The following FAM149B1 variants were observed in gnomAD, a reference collection of about 807,000 sequenced individuals.
FAM149B1 encodes the protein family with sequence similarity 149 member B1, also known as primary cilium assembly protein FAM149B1.
Under a neutral mutation model 75.3 loss-of-function variants are expected in FAM149B1, and 56 were observed. That is an observed-to-expected ratio of 0.74 (90% confidence interval 0.60 to 0.93). The LOEUF (loss-of-function observed/expected upper bound fraction) is 0.93. FAM149B1 is among the 40% of genes least tolerant of loss of function. FAM149B1 has a pLI of 0.00. For synonymous variants in FAM149B1, 259 were observed against 256.1 expected (o/e 1.01, Z -0.11); for missense variants, 639 against 708.4 (o/e 0.90, Z 1.11).
chr10:73,199,407 C>T (rs1253921036), intron 5 of FAM149B1, among the ~76,000 whole-genome samples: 1 of 151,946 alleles, frequency 6.6e-6, no homozygotes, highest in Non-Finnish European at 1.5e-5. Context: ...TTAGTAGAGA[C>T]GGGGTTTCAC....
intron 11 of FAM149B1, 78 bp downstream of exon 11, chr10:73,235,018 T>A: frequency 4.0e-6 from 6 of 1,505,942 alleles, no homozygotes; most frequent in Non-Finnish European, 4.5e-6. Context: ...ATCTGTGCCC[T>A]GATCTTGATT....
intron 5 of FAM149B1, among the ~76,000 whole-genome samples, chr10:73,195,523 A>G (rs928891048): frequency 6.6e-6 from 1 of 152,226 alleles, no homozygotes; most frequent in Non-Finnish European, 1.5e-5. Flanking sequence ...TTATTAGGAT[A>G]TATCGACCTA....
chr10:73,172,984 T>C (rs1843781357), intron 1 of FAM149B1, among the ~76,000 whole-genome samples: 2 of 151,144 alleles, frequency 1.3e-5, no homozygotes, highest in African/African-American at 4.9e-5. Context: ...CCAAGTGTGG[T>C]GGTGAGTACC....
chr10:73,244,041 G>A lies in FAM149B1; in HGVS notation c.*3022G>A, dbSNP rs1447706318. The A allele has an allele frequency of 7.3e-6, 6 of 819,546 alleles. No individual in the cohort carries two copies. Among genetic ancestry groups the A allele is most frequent in the Non-Finnish European group, 9.7e-6 (5 of 513,124 alleles). The allele number at this position is 819,546 out of a possible 1,614,324, so 50.8% of individuals were successfully genotyped here. The stretch of plus-strand genomic sequence containing the variant: ...TTTCAATTTTATGAATATATGAATA[G>A]ACAAAATGAATCGAATTACATAACT... On this transcript the variant is annotated 3_prime_UTR_variant, in exon 14 of 14. Coordinates refer to ENST00000242505, the MANE Select transcript of FAM149B1 (RefSeq NM_173348.2).
At chr10:73,197,181 T>C (rs976350833) in intron 5 of FAM149B1, among the ~76,000 whole-genome samples, 1 of 146,420 alleles carries the variant, frequency 6.8e-6, no homozygotes, top group African/African-American at 2.7e-5. Context: ...TTTTTGTATT[T>C]TCAGCAGAGA....
Position 73,242,167 on chromosome 10 carries a change from T to C in FAM149B1, c.*1148T>C, listed in dbSNP as rs1363691357. The C allele has an allele frequency of 6.6e-6, 1 of 152,176 alleles. No homozygotes were observed. Among genetic ancestry groups the C allele is most frequent in the African/African-American group, 2.4e-5 (1 of 41,452 alleles). 9.4% of individuals were successfully genotyped at this position (152,176 alleles called of 1,614,324 possible). A position where few individuals can be genotyped will look rare whatever the true frequency, so the allele number is the denominator to read the frequency against. ...AATTATATTTTTAATAAAATTAAAATCTATTTTTAACCTATTTGTAGTCAC... is the reference window on the plus strand; with the variant it reads ...AATTATATTTTTAATAAAATTAAAACCTATTTTTAACCTATTTGTAGTCAC... On this transcript the variant is annotated 3_prime_UTR_variant, in exon 14 of 14. Transcript: ENST00000242505.
intron 1 of FAM149B1, among the ~76,000 whole-genome samples, chr10:73,174,083 T>C (rs1375753408): frequency 1.3e-5 from 2 of 152,246 alleles, no homozygotes; most frequent in African/African-American, 4.8e-5. Flanking sequence ...TGAGTTGTTT[T>C]CAGTTATTTT....
intron 5 of FAM149B1, among the ~76,000 whole-genome samples, chr10:73,196,601 T>C (rs2042811596): frequency 6.6e-6 from 1 of 152,242 alleles, no homozygotes; most frequent in South Asian, 2.1e-4. Context: ...CATTTCAAAT[T>C]ATATCCATTC....
chr10:73,221,877 C>G (rs1337525224), intron 7 of FAM149B1, among the ~76,000 whole-genome samples: 1 of 151,890 alleles, frequency 6.6e-6, no homozygotes, highest in Non-Finnish European at 1.5e-5. Flanking sequence ...TATTGTTATG[C>G]CATCAGTGTT....
chr10:73,177,409 T>C (rs2133303918), intron 2 of FAM149B1, among the ~76,000 whole-genome samples: 1 of 150,100 alleles, frequency 6.7e-6, no homozygotes, highest in African/African-American at 2.4e-5. Flanking sequence ...ACCCCTTCTC[T>C]ACTAAAATGC....
In FAM149B1 at chr10:73,243,437, C is replaced by T. The variant is rs564268005; in HGVS notation, c.*2418C>T. On this transcript the variant is annotated 3_prime_UTR_variant, in exon 14 of 14. Transcript: ENST00000242505. ...TTTCTTGAGAGCAGATTTTTTCCCT[C>T]CTCCTTTGGAAGATTTGCAGTACTT... is the stretch of plus-strand genomic sequence containing the variant. 1.5e-5 allele frequency: 24 copies of T among 1,613,918 alleles called. No individual in the cohort carries two copies. The African/African-American group carries it at 2.9e-4, about 20-fold the overall frequency.
intron 3 of FAM149B1, among the ~76,000 whole-genome samples, chr10:73,190,497 CAAAA>C (rs1170082343): frequency 7.1e-6 from 1 of 140,618 alleles, no homozygotes; most frequent in African/African-American, 2.6e-5. Flanking sequence ...AAACAAAAAA[CAAAA>C]AAAAAACCCA....
At position 73,244,054 on chromosome 10, in the gene FAM149B1, G is replaced by A. The variant is rs935601196; in HGVS notation, c.*3035G>A. On this transcript the variant is annotated 3_prime_UTR_variant, in exon 14 of 14. Coordinates refer to ENST00000242505, the MANE Select transcript of FAM149B1 (RefSeq NM_173348.2). ...AATATATGAATAGACAAAATGAATC[G>A]AATTACATAACTATGTCATTCATTA... 2.4e-5 allele frequency: 17 copies of A among 715,960 alleles called. No individual in the cohort carries two copies. Among genetic ancestry groups the A allele is most frequent in the Admixed American group, 3.0e-5 (1 of 32,944 alleles). The allele number at this position is 715,960 out of a possible 1,614,324, so 44.4% of individuals were successfully genotyped here. A position where few individuals can be genotyped will look rare whatever the true frequency, so the allele number is the denominator to read the frequency against.
At chr10:73,209,593 G>T (rs113657087) in intron 6 of FAM149B1, among the ~76,000 whole-genome samples, 1 of 152,188 alleles carries the variant, frequency 6.6e-6, no homozygotes, top group African/African-American at 2.4e-5. Context: ...ACATAGATAT[G>T]ATTTATCTTC....
intron 5 of FAM149B1, among the ~76,000 whole-genome samples, chr10:73,207,641 G>A (rs910301094): frequency 7.2e-5 from 11 of 152,226 alleles, no homozygotes; most frequent in African/African-American, 2.7e-4. Context: ...AACCTTGGGA[G>A]CTGAACCCTG....
At chr10:73,240,699 G>C (rs932905778) in intron 13 of FAM149B1, among the ~76,000 whole-genome samples, 2 of 150,034 alleles carry the variant, frequency 1.3e-5, no homozygotes, top group Non-Finnish European at 3.0e-5. Context: ...GGGGGACAGA[G>C]TGAGACTCCA....
intron 3 of FAM149B1, 38 bp from the exon 4 acceptor site, chr10:73,192,518 A>G: frequency 6.5e-7 from 1 of 1,539,602 alleles, no homozygotes; most frequent in African/African-American, 1.4e-5. Flanking sequence ...AGAGTGAATC[A>G]GCTCACCTAA....
Position 73,185,572 on chromosome 10 carries a change from C to T in FAM149B1, c.283-6984C>T, listed in dbSNP as rs533803197. Among the ~76,000 whole-genome samples, 121 of 152,172 alleles carry T rather than the reference C, an allele frequency of 8.0e-4. 1 individual carries two copies. In the South Asian group the frequency reaches 0.013, roughly 17 times the overall value. On this transcript the variant is annotated intron_variant, in intron 3 of 13. Transcript: ENST00000242505. ...CAAATAAACAAATACAAAATCTTCC[C>T]ACAAAGAAGTCCAGGCACAGATGCG... is the stretch of plus-strand genomic sequence containing the variant.
Position 73,208,805 on chromosome 10 carries a change from A to C in FAM149B1, c.710+19A>C. On this transcript the variant is annotated intron_variant, in intron 6 of 13. Coordinates refer to ENST00000242505, the MANE Select transcript of FAM149B1 (RefSeq NM_173348.2). The stretch of plus-strand genomic sequence containing the variant: ...TAGATATGTGAGTATTATGCCTTTT[A>C]AGCTTTTTACTCCCCTCTTATTTTG... 2 of 1,406,188 alleles carry C rather than the reference A, an allele frequency of 1.4e-6. No individual in the cohort carries two copies. The highest frequency in any genetic ancestry group is 5.3e-5 in the East Asian group (2 of 37,842). The allele number at this position is 1,406,188 out of a possible 1,614,324, so 87.1% of individuals were successfully genotyped here.
Sources: allele counts gnomAD v4.1 joint callset (sites outside exome capture counted in the v4.1 genomes callset), GRCh38; gene constraint gnomAD v4.1.1; transcripts MANE v1.5; gene names NCBI Gene and HGNC (gene_info 2026-07-23, HGNC 2026-07-21).